The following PADI3 variants were observed in gnomAD, a reference collection of about 807,000 sequenced individuals.
The protein encoded by PADI3 is protein-arginine deiminase type-3.
A neutral mutation model predicts 71.5 loss-of-function variants in PADI3; 53 were observed. The observed-to-expected ratio is 0.74, with a 90% CI of 0.59 to 0.93. PADI3 has a LOEUF of 0.93. Among genes scored for constraint, PADI3 ranks in the 40% least tolerant of loss-of-function variants. The pLI, the probability that PADI3 is intolerant of heterozygous loss-of-function variation, is 0.00. For missense variants in PADI3, 821 were observed against 868.0 expected (o/e 0.95, Z 0.68); for synonymous variants, 361 against 347.5 (o/e 1.04, Z -0.43).
At chr1:17,262,367 G>C (rs1333336195) in intron 3 of PADI3, among the ~76,000 whole-genome samples, 162 bp downstream of exon 3, 1 of 152,168 alleles carries the variant, frequency 6.6e-6, no homozygotes, top group Non-Finnish European at 1.5e-5. Flanking sequence ...GCTTATATAT[G>C]AAAGCACATA....
At chr1:17,250,063 G>C (rs1206380209) in intron 1 of PADI3, among the ~76,000 whole-genome samples, 2 of 152,218 alleles carry the variant, frequency 1.3e-5, no homozygotes, top group African/African-American at 2.4e-5. Context: ...CTCTTAGGAA[G>C]AAAAGAGGGT....
At chr1:17,251,013 G>T (rs543389498) in intron 1 of PADI3, among the ~76,000 whole-genome samples, 1 of 152,354 alleles carries the variant, frequency 6.6e-6, no homozygotes, top group East Asian at 1.9e-4. Flanking sequence ...TCAAATGAGG[G>T]ATTCTTGGGC....
intron 1 of PADI3, among the ~76,000 whole-genome samples, chr1:17,249,912 T>C (rs1242225322): frequency 1.3e-5 from 2 of 152,232 alleles, no homozygotes; most frequent in Non-Finnish European, 2.9e-5. Context: ...CTTATGGTTT[T>C]AGCTGCTCTG....
chr1:17,253,373 C>T (rs568158652), intron 1 of PADI3, among the ~76,000 whole-genome samples: 2 of 152,310 alleles, frequency 1.3e-5, no homozygotes, highest in Admixed American at 1.3e-4. Flanking sequence ...TAAGACACCT[C>T]GAAGAGGGGG....
At chr1:17,262,029 G>T (rs2073108131) in intron 2 of PADI3, 104 bp from the exon 3 acceptor site, 5 of 944,316 alleles carry the variant, frequency 5.3e-6, no homozygotes, top group Non-Finnish European at 6.7e-6. Flanking sequence ...AAAGAGCAAG[G>T]TTCCTTGGGC....
rs1178867379 is a variant in PADI3, at chr1:17,276,855, C to T, written c.1534C>T (p.Leu512Phe). 8 of 1,612,782 alleles carry T rather than the reference C, an allele frequency of 5.0e-6. No individual in the cohort carries two copies. The highest frequency in any genetic ancestry group is 6.8e-6 in the Non-Finnish European group (8 of 1,179,456). The change falls in exon 13 of 16, where the codon CTC (leucine) becomes TTC (phenylalanine). Residue 512 changes from leucine (L) to phenylalanine (F), a missense_variant. Transcript: ENST00000375460. ...EKQKCGHGRA[L>F]LFQGVVDDEQ... ...GCAGAAGTGTGGCCACGGGAGGGCC[C>T]TCCTGTTCCAGGGGGTTGTTGGTGG...
At chr1:17,253,656 A>T (rs3003424) in intron 1 of PADI3, among the ~76,000 whole-genome samples, 1 of 152,078 alleles carries the variant, frequency 6.6e-6, no homozygotes, top group Admixed American at 6.5e-5. Flanking sequence ...CATCTGTGAA[A>T]GGCCCCAGCA....
chr1:17,280,602 C>G, intron 14 of PADI3, 69 bp from the exon 15 acceptor site: 1 of 1,605,730 alleles, frequency 6.2e-7, no homozygotes, highest in African/African-American at 1.3e-5. Context: ...AGGGGAGCGA[C>G]AGGATGCCTT....
chr1:17,270,652 C>A, intron 7 of PADI3, among the ~76,000 whole-genome samples: 1 of 151,864 alleles, frequency 6.6e-6, no homozygotes, highest in East Asian at 1.9e-4. Flanking sequence ...ACCCTGTCTC[C>A]AAAAAATAAT....
Position 17,261,332 on chromosome 1 carries a change from G to A in PADI3, c.274-801G>A, listed in dbSNP as rs571474590. 3.9e-5 allele frequency among the ~76,000 whole-genome samples: 6 copies of A among 152,314 alleles called. No individual in the cohort carries two copies. The East Asian group carries it at 7.7e-4, about 20-fold the overall frequency. On this transcript the variant is annotated intron_variant, in intron 2 of 15. Coordinates refer to ENST00000375460, the MANE Select transcript of PADI3 (RefSeq NM_016233.2). Reference sequence around the variant, plus strand: ...GTGGGCCGGGCACCGAGCTGCATGTGCCCCATACATGACTCCTTTCATCTT... The same window carrying A: ...GTGGGCCGGGCACCGAGCTGCATGTACCCCATACATGACTCCTTTCATCTT...
At chr1:17,267,145 C>T (rs2073181188) in intron 5 of PADI3, among the ~76,000 whole-genome samples, 1 of 152,176 alleles carries the variant, frequency 6.6e-6, no homozygotes, top group African/African-American at 2.4e-5. Flanking sequence ...CAGGCCTTTT[C>T]CCCAAATTCT....
At chr1:17,262,599 T>C (rs2073117175) in intron 3 of PADI3, among the ~76,000 whole-genome samples, 1 of 152,142 alleles carries the variant, frequency 6.6e-6, no homozygotes, top group South Asian at 2.1e-4. Context: ...AGACAATATG[T>C]ATGAACAGAT....
In PADI3 at chr1:17,275,929, G is replaced by T. The variant is rs539551956; in HGVS notation, c.1308-590G>T. On this transcript the variant is annotated intron_variant, in intron 11 of 15. Coordinates refer to ENST00000375460, the MANE Select transcript of PADI3 (RefSeq NM_016233.2). ...TTGGAGAATAAGAACCTGGTGTGAG[G>T]GTGGTTCTGAAGATTTTCCTGGATG... Among the ~76,000 whole-genome samples, 3 of 152,320 alleles carry T rather than the reference G, an allele frequency of 2.0e-5. No individual in the cohort carries two copies. In the South Asian group the frequency reaches 6.2e-4, roughly 32 times the overall value.
intron 15 of PADI3, among the ~76,000 whole-genome samples, chr1:17,282,281 T>C (rs1018032239): frequency 1.1e-4 from 17 of 152,194 alleles, no homozygotes; most frequent in Non-Finnish European, 2.4e-4. Flanking sequence ...CAGCAGAGCC[T>C]GGAACCCTCT....
rs777083777 is a variant in PADI3 at position 17,276,670 on chromosome 1, AC to A, written c.1452+8del. 1.2e-6 allele frequency: 2 copies of A among 1,613,948 alleles called. No homozygotes were observed. The highest frequency in any genetic ancestry group is 2.2e-5 in the South Asian group (2 of 91,076). Reference sequence around the variant, plus strand: ...CCCTGCCCCCGATGGGAAGGTAAGAACTTCGTGCATGACGTGTCTTTCCCTG... The same window carrying A: ...CCCTGCCCCCGATGGGAAGGTAAGAATTCGTGCATGACGTGTCTTTCCCTG... On this transcript the variant is annotated splice_region_variant and intron_variant, in intron 12 of 15. Transcript: ENST00000375460.
intron 2 of PADI3, among the ~76,000 whole-genome samples, chr1:17,261,640 C>T (rs1192536136): frequency 6.6e-6 from 1 of 152,248 alleles, no homozygotes; most frequent in African/African-American, 2.4e-5. Flanking sequence ...TTACAAGCCT[C>T]TGAGGTAGAG....
Position 17,262,317 on chromosome 1 carries a change from C to T in PADI3, c.346+112C>T, listed in dbSNP as rs768805438. On this transcript the variant is annotated intron_variant, in intron 3 of 15. Coordinates refer to ENST00000375460, the MANE Select transcript of PADI3 (RefSeq NM_016233.2). ...CCTCCTTCCCTCCAACTCAAGACTTCTAGTTCCCCAAACCCAGCATTTTTC... is the reference window on the plus strand; with the variant it reads ...CCTCCTTCCCTCCAACTCAAGACTTTTAGTTCCCCAAACCCAGCATTTTTC... 6.7e-6 allele frequency: 5 copies of T among 740,894 alleles called. No homozygotes were observed. The African/African-American group carries it at 9.2e-5, about 14-fold the overall frequency. The allele number at this position is 740,894 out of a possible 1,614,324, so 45.9% of individuals were successfully genotyped here.
chr1:17,266,876 C>A, intron 5 of PADI3, 40 bp downstream of exon 5: 1 of 1,455,498 alleles, frequency 6.9e-7, no homozygotes. Flanking sequence ...TGTCCAGGGT[C>A]ACTGCTCAGT....
At chr1:17,272,240 G>A (rs1243176810) in intron 9 of PADI3, among the ~76,000 whole-genome samples, 2 of 152,158 alleles carry the variant, frequency 1.3e-5, no homozygotes, top group Non-Finnish European at 2.9e-5. Context: ...AGGCCCGGGG[G>A]TGGGAGGCAG....
Sources: gnomAD v4.1 joint callset for allele counts (sites outside exome capture counted in the v4.1 genomes callset) on GRCh38, gnomAD v4.1.1 for gene constraint, MANE v1.5 for transcripts, NCBI Gene and HGNC (gene_info 2026-07-23, HGNC 2026-07-21) for gene names.